ASTN2: variants seen among roughly 807,000 people sequenced by gnomAD.
ASTN2 encodes astrotactin-2.
In ASTN2, 54 loss-of-function variants were observed where a neutral mutation model predicts 139.8. That is an observed-to-expected ratio of 0.39 (90% CI 0.31 to 0.48). The LOEUF (loss-of-function observed/expected upper bound fraction) is 0.48. Ranked by LOEUF, ASTN2 falls within the 20% of genes least tolerant of loss-of-function variation. The pLI, the probability that ASTN2 is intolerant of heterozygous loss-of-function variation, is 0.95. For synonymous variants in ASTN2, 756 were observed against 719.5 expected (o/e 1.05, Z -0.81); for missense variants, 1,565 against 1,725.1 (o/e 0.91, Z 1.64).
intron 1 of ASTN2, among the ~76,000 whole-genome samples, chr9:117,318,508 A>T (rs529380289): frequency 3.3e-4 from 50 of 152,278 alleles, no homozygotes; most frequent in African/African-American, 1.2e-3. Flanking sequence ...TGTGAGAGTT[A>T]TCAGATGTTG....
At chr9:116,947,396 A>G (rs188343806) in intron 10 of ASTN2, among the ~76,000 whole-genome samples, 24 of 152,294 alleles carry the variant, frequency 1.6e-4, no homozygotes, top group Admixed American at 9.2e-4. Context: ...AAGGGATTGC[A>G]TTGCCAATCT....
intron 3 of ASTN2, among the ~76,000 whole-genome samples, chr9:117,154,345 C>T (rs573446235): frequency 3.3e-5 from 5 of 152,022 alleles, no homozygotes; most frequent in Non-Finnish European, 2.9e-5. Flanking sequence ...TTCATGATTA[C>T]ATGCCGTCAC....
chr9:116,602,391 A>G (rs1854948436), intron 19 of ASTN2, among the ~76,000 whole-genome samples: 1 of 152,212 alleles, frequency 6.6e-6, no homozygotes, highest in Non-Finnish European at 1.5e-5. Context: ...CTACTAGAGA[A>G]GGAGAGATAT....
chr9:116,692,172 A>G (rs1337101042), intron 16 of ASTN2, among the ~76,000 whole-genome samples: 1 of 152,248 alleles, frequency 6.6e-6, no homozygotes, highest in Non-Finnish European at 1.5e-5. Flanking sequence ...GGAGATATCT[A>G]GAGAACCACC....
At chr9:117,037,702 A>G (rs1458886820) in intron 6 of ASTN2, among the ~76,000 whole-genome samples, 1 of 152,194 alleles carries the variant, frequency 6.6e-6, no homozygotes, top group Non-Finnish European at 1.5e-5. Context: ...ATTAATGTGT[A>G]GTGACAGCTG....
chr9:117,237,709 G>C (rs1231015411), intron 2 of ASTN2, among the ~76,000 whole-genome samples: 1 of 152,188 alleles, frequency 6.6e-6, no homozygotes, highest in Non-Finnish European at 1.5e-5. Flanking sequence ...TCGATCTCCT[G>C]AACTTGTGAT....
At chr9:117,283,526 T>C (rs932044612) in intron 2 of ASTN2, among the ~76,000 whole-genome samples, 1 of 152,238 alleles carries the variant, frequency 6.6e-6, no homozygotes, top group Admixed American at 6.5e-5. Context: ...TGGCAATTGA[T>C]ATAAGCTTGG....
intron 21 of ASTN2, among the ~76,000 whole-genome samples, chr9:116,442,168 C>T (rs758737161): frequency 6.6e-6 from 1 of 152,208 alleles, no homozygotes; most frequent in Non-Finnish European, 1.5e-5. Flanking sequence ...GGCTCTGACT[C>T]CCTACCATTT....
chr9:116,569,714 A>G (rs1853413405), intron 19 of ASTN2, among the ~76,000 whole-genome samples: 1 of 152,192 alleles, frequency 6.6e-6, no homozygotes, highest in East Asian at 1.9e-4. Context: ...CCTGGCTCAT[A>G]TGGTAGGCTG....
At chr9:116,609,172 T>C (rs1468966317) in intron 19 of ASTN2, among the ~76,000 whole-genome samples, 1 of 151,580 alleles carries the variant, frequency 6.6e-6, no homozygotes, top group Non-Finnish European at 1.5e-5. Flanking sequence ...GACAAAATAA[T>C]GTCCAAAAAT....
At chr9:116,961,431 G>A (rs1294286736) in intron 10 of ASTN2, among the ~76,000 whole-genome samples, 1 of 151,890 alleles carries the variant, frequency 6.6e-6, no homozygotes, top group Non-Finnish European at 1.5e-5. Context: ...CTATGATTTT[G>A]GCTACTCTAA....
chr9:116,984,927 G>C (rs1446223186), intron 7 of ASTN2, among the ~76,000 whole-genome samples: 1 of 152,158 alleles, frequency 6.6e-6, no homozygotes, highest in East Asian at 1.9e-4. Flanking sequence ...TTGTAATTCA[G>C]GAAGCAGGAT....
intron 6 of ASTN2, among the ~76,000 whole-genome samples, chr9:117,033,510 A>G (rs1838304869): frequency 6.6e-6 from 1 of 152,266 alleles, no homozygotes; most frequent in Middle Eastern, 3.4e-3. Flanking sequence ...AAAATGTTTA[A>G]GTAACTAGCA....
chr9:116,688,151 G>T (rs1035997125), intron 16 of ASTN2, among the ~76,000 whole-genome samples: 2 of 152,006 alleles, frequency 1.3e-5, no homozygotes, highest in Non-Finnish European at 2.9e-5. Context: ...GCAGAGATTT[G>T]GAAATAGGGA....
chr9:117,298,675 T>TATATATATATATATATGTGC (rs1554717059), intron 1 of ASTN2, among the ~76,000 whole-genome samples: 14 of 130,604 alleles, frequency 1.1e-4, no homozygotes, highest in South Asian at 5.2e-4. Flanking sequence ...TATGTGTATA[T>TATATATATATATATATGTGC]ATATATATAT....
chr9:116,469,948 T>C (rs10983182), intron 20 of ASTN2, among the ~76,000 whole-genome samples: 40,033 of 151,974 alleles, frequency 0.26, 5,287 homozygotes, highest in South Asian at 0.37. Flanking sequence ...CTCACGTCTG[T>C]AATCACAGCA....
intron 1 of ASTN2, among the ~76,000 whole-genome samples, chr9:117,354,890 A>G (rs1374480080): frequency 2.0e-5 from 3 of 152,210 alleles, no homozygotes; most frequent in African/African-American, 7.2e-5. Context: ...TGCCCTAGTT[A>G]TAAGTTATCA....
chr9:116,587,699 G>A (rs2131726127), intron 19 of ASTN2, among the ~76,000 whole-genome samples: 1 of 152,268 alleles, frequency 6.6e-6, no homozygotes, highest in East Asian at 1.9e-4. Flanking sequence ...TATGTCCTTG[G>A]TTAAGTCACT....
intron 3 of ASTN2, among the ~76,000 whole-genome samples, chr9:117,190,944 T>A (rs982330951): frequency 6.6e-6 from 1 of 152,180 alleles, no homozygotes; most frequent in African/African-American, 2.4e-5. Flanking sequence ...ATTTATTGCT[T>A]TATCTTCAGT....
Sources: allele counts gnomAD v4.1 joint callset (sites outside exome capture counted in the v4.1 genomes callset), GRCh38; gene constraint gnomAD v4.1.1; transcripts MANE v1.5; gene names NCBI Gene and HGNC (gene_info 2026-07-23, HGNC 2026-07-21).